SYNRG: variants seen among roughly 807,000 people sequenced by gnomAD.
The protein encoded by SYNRG is synergin gamma, also known as AP1 gamma subunit binding protein 1.
In SYNRG, 37 loss-of-function variants were observed where a neutral mutation model predicts 130.9. That is an observed-to-expected ratio of 0.28 (90% CI 0.22 to 0.37). SYNRG has a LOEUF of 0.37. SYNRG is among the 10% of genes least tolerant of loss of function. The pLI, the probability that SYNRG is intolerant of heterozygous loss-of-function variation, is 1.00. For synonymous variants in SYNRG, 539 were observed against 568.1 expected (o/e 0.95, Z 0.73); for missense variants, 1,338 against 1,588.9 (o/e 0.84, Z 2.68).
chr17:37,604,928 C>G (rs564247676), intron 1 of SYNRG, among the ~76,000 whole-genome samples: 1 of 152,156 alleles, frequency 6.6e-6, no homozygotes, highest in African/African-American at 2.4e-5. Context: ...TTATCAATTA[C>G]GTTTGCTGTC....
chr17:37,541,873 T>C, intron 15 of SYNRG, 99 bp downstream of exon 15: 1 of 1,136,040 alleles, frequency 8.8e-7, no homozygotes, highest in South Asian at 1.5e-5. Context: ...AACAATCTAT[T>C]TCCTGCGAAA....
At position 37,568,884 on chromosome 17, in the gene SYNRG, T is replaced by C; in HGVS notation, c.1388A>G (p.Asp463Gly). The C allele has an allele frequency of 6.2e-7, 1 of 1,614,088 alleles. No homozygotes were observed. The highest frequency in any genetic ancestry group is 8.5e-7 in the Non-Finnish European group (1 of 1,179,978). ...ATCAAGGGATCCTGACTTAGAAGCATCTTGAAAATCCTGGAAGTCATCTTC... is the reference window on the plus strand; with the variant it reads ...ATCAAGGGATCCTGACTTAGAAGCACCTTGAAAATCCTGGAAGTCATCTTC... Reference protein sequence around the residue: ...PEEDDFQDFQDASKSGSLDDS... With the variant: ...PEEDDFQDFQGASKSGSLDDS... Residue 463 changes from aspartate to glycine, a missense_variant, in exon 11 of 22, where the codon GAT becomes GGT. By Grantham distance (94) the Asp-to-Gly change is moderately conservative (BLOSUM62 -1). Around this residue, in one of 3 missense-constraint regions of SYNRG, gnomAD observed 1,146 missense variants for 1,342.3 expected, o/e 0.85. Transcript: ENST00000612223.
chr17:37,552,656 T>C (rs139475185), intron 14 of SYNRG, among the ~76,000 whole-genome samples: 1 of 152,320 alleles, frequency 6.6e-6, no homozygotes, highest in African/African-American at 2.4e-5. Flanking sequence ...TTTACTTTCT[T>C]GACCTAACAA....
chr17:37,565,154 C>T (rs1292587480), intron 11 of SYNRG, among the ~76,000 whole-genome samples: 3 of 152,000 alleles, frequency 2.0e-5, no homozygotes, highest in Non-Finnish European at 4.4e-5. Flanking sequence ...GTCCCAGCTA[C>T]TAGGGAGGCT....
intron 13 of SYNRG, chr17:37,557,176 A>G (rs1346452603): frequency 6.6e-6 from 1 of 152,212 alleles, no homozygotes; most frequent in East Asian, 1.9e-4. Context: ...TTAGACTCCA[A>G]AAAATCTCAA....
chr17:37,580,286 T>A (rs1301769035), intron 6 of SYNRG, among the ~76,000 whole-genome samples: 2 of 137,202 alleles, frequency 1.5e-5, no homozygotes, highest in Non-Finnish European at 3.0e-5. Context: ...AAATAAAAAT[T>A]ACAAAAGAAC....
Position 37,568,865 on chromosome 17 carries a change from G to A in SYNRG, c.1407C>T (p.Ser469=). 1.9e-6 allele frequency: 3 copies of A among 1,613,982 alleles called. No homozygotes were observed. The highest frequency in any genetic ancestry group is 2.5e-6 in the Non-Finnish European group (3 of 1,179,950). Residue 469 remains serine, a synonymous_variant, in exon 11 of 22, where the codon TCC becomes TCT. Transcript: ENST00000612223. Reference sequence around the variant, plus strand: ...GGAAATCACTGAATGAGTCATCAAGGGATCCTGACTTAGAAGCATCTTGAA... The same window carrying A: ...GGAAATCACTGAATGAGTCATCAAGAGATCCTGACTTAGAAGCATCTTGAA... ...QDFQDASKSG[S]LDDSFSDFQE...
intron 15 of SYNRG, chr17:37,541,661 G>C (rs2057774969): frequency 2.5e-6 from 1 of 400,336 alleles, no homozygotes; most frequent in African/African-American, 2.0e-5. Context: ...CGGAGCTAAT[G>C]TGCCTACAAG....
chr17:37,520,343 G>A (rs1568236672), intron 20 of SYNRG, 129 bp from the exon 21 acceptor site: 5 of 1,274,390 alleles, frequency 3.9e-6, no homozygotes, highest in South Asian at 1.2e-5. Flanking sequence ...GCAGGCATGA[G>A]AGCCGCGTCC....
At chr17:37,523,296 G>A (rs1245146560) in intron 19 of SYNRG, among the ~76,000 whole-genome samples, 1 of 151,960 alleles carries the variant, frequency 6.6e-6, no homozygotes, top group Non-Finnish European at 1.5e-5. Flanking sequence ...TGAGTAGCTG[G>A]GACTACAGGT....
At chr17:37,561,157 T>C in intron 13 of SYNRG, 38 bp downstream of exon 13, 1 of 1,545,652 alleles carries the variant, frequency 6.5e-7, no homozygotes, top group Non-Finnish European at 8.9e-7. Context: ...TTATTAAAAA[T>C]GGAAATAATT....
intron 6 of SYNRG, among the ~76,000 whole-genome samples, chr17:37,580,972 G>A (rs900632717): frequency 6.6e-6 from 1 of 152,180 alleles, no homozygotes; most frequent in South Asian, 2.1e-4. Flanking sequence ...GCCTGGCCAA[G>A]ACAAGAACAT....
intron 1 of SYNRG, among the ~76,000 whole-genome samples, chr17:37,602,798 C>T (rs905183101): frequency 1.3e-5 from 2 of 151,824 alleles, no homozygotes; most frequent in Non-Finnish European, 2.9e-5. Flanking sequence ...CCAAGGCAGG[C>T]GGATCACTTG....
At position 37,542,036 on chromosome 17, in the gene SYNRG, G is replaced by A. The variant is rs773789755; in HGVS notation, c.3138C>T (p.Ser1046=). Residue 1046 remains serine, a synonymous_variant, in exon 15 of 22, where the codon AGC becomes AGT. Coordinates refer to ENST00000612223, the MANE Select transcript of SYNRG (RefSeq NM_007247.6). ...TCATTTCTTCACTGGATTTCATTTT[G>A]CTTTGTGAAGTGGCTACTAAGAAGT... ...KFDFLVATSQ[S]KMKSSEEMIK... The A allele has an allele frequency of 6.2e-7, 1 of 1,614,146 alleles. No individual in the cohort carries two copies. Among genetic ancestry groups the A allele is most frequent in the South Asian group, 1.1e-5 (1 of 91,090 alleles).
chr17:37,593,611 G>C (rs916154386), intron 3 of SYNRG, among the ~76,000 whole-genome samples: 1 of 152,120 alleles, frequency 6.6e-6, no homozygotes, highest in South Asian at 2.1e-4. Flanking sequence ...GCGGACAGGT[G>C]TGGTGGCTCA....
At position 37,540,630 on chromosome 17, in the gene SYNRG, C is replaced by CTTTTT. The variant is rs767724523; in HGVS notation, c.3203-92_3203-88dup. Reference sequence around the variant, plus strand: ...TCTTCCTCGCTACCACAACCCTCTTCTTTTTTTTTTTTTTTTTTTTTTGAG... The same window carrying CTTTTT: ...TCTTCCTCGCTACCACAACCCTCTTCTTTTTTTTTTTTTTTTTTTTTTTTTTTGAG... On this transcript the variant is annotated intron_variant, in intron 15 of 21. Coordinates refer to ENST00000612223, the MANE Select transcript of SYNRG (RefSeq NM_007247.6). The CTTTTT allele has an allele frequency of 1.4e-4, 97 of 695,852 alleles. 1 individual carries two copies. The highest frequency in any genetic ancestry group is 3.7e-4 in the African/African-American group (15 of 40,966). The allele number at this position is 695,852 out of a possible 1,614,324, so 43.1% of individuals were successfully genotyped here.
rs1434351774 is a variant in SYNRG at position 37,540,433 on chromosome 17, G to C, written c.3313C>G (p.Pro1105Ala). The change falls in exon 16 of 22, where the codon CCC becomes GCC. Residue 1105 changes from proline to alanine, a missense_variant. Around this residue, in one of 3 missense-constraint regions of SYNRG, gnomAD observed 1,146 missense variants for 1,342.3 expected, o/e 0.85. Transcript: ENST00000612223. The stretch of plus-strand genomic sequence containing the variant: ...TTGTCTCGGATGACGGGCAGGGCGG[G>C]CTTCTCATTCAGAGTATTGGAACGG... ...RDRSNTLNEK[P>A]ALPVIRDKYK... 6.2e-7 allele frequency: 1 copy of C among 1,613,746 alleles called. No individual in the cohort carries two copies. Among genetic ancestry groups the C allele is most frequent in the Non-Finnish European group, 8.5e-7 (1 of 1,179,926 alleles).
chr17:37,522,346 T>A (rs1309325232), intron 19 of SYNRG, among the ~76,000 whole-genome samples: 1 of 152,088 alleles, frequency 6.6e-6, no homozygotes, highest in Non-Finnish European at 1.5e-5. Flanking sequence ...GATTTTTTTG[T>A]AAAGATGATT....
At chr17:37,546,652 C>T (rs1158036197) in intron 14 of SYNRG, among the ~76,000 whole-genome samples, 1 of 152,156 alleles carries the variant, frequency 6.6e-6, no homozygotes, top group Non-Finnish European at 1.5e-5. Flanking sequence ...ACACAGACGG[C>T]CAAGCTCATT....
Sources: gnomAD v4.1 joint callset for allele counts (sites outside exome capture counted in the v4.1 genomes callset) on GRCh38, gnomAD v4.1.1 for gene constraint, gnomAD v4.1.1 regional missense constraint, MANE v1.5 for transcripts, NCBI Gene and HGNC (gene_info 2026-07-23, HGNC 2026-07-21) for gene names.